Variants in MKLN1 observed in about 807,000 individuals in gnomAD.
MKLN1 encodes the protein muskelin.
MKLN1 carries 18 observed loss-of-function variants against 99.0 expected under a neutral mutation model. The observed-to-expected ratio is 0.18, with a 90% CI of 0.13 to 0.27. The LOEUF is 0.27. Among genes scored for constraint, MKLN1 ranks in the 10% least tolerant of loss-of-function variants. The pLI is 1.00. For synonymous variants in MKLN1, 288 were observed against 293.2 expected (o/e 0.98, Z 0.18); for missense variants, 621 against 875.9 (o/e 0.71, Z 3.67).
chr7:131,155,214 G>T (rs562199247), intron 2 of MKLN1, among the ~76,000 whole-genome samples: 89 of 152,202 alleles, frequency 5.8e-4, no homozygotes, highest in African/African-American at 2.1e-3. Flanking sequence ...CCTGCGAAGT[G>T]CTCCTTTACT....
chr7:131,189,695 T>A (rs534608198), intron 2 of MKLN1, among the ~76,000 whole-genome samples: 1 of 152,190 alleles, frequency 6.6e-6, no homozygotes, highest in Non-Finnish European at 1.5e-5. Context: ...ACCATACTTC[T>A]GTAGTAATAG....
At chr7:131,271,213 A>G (rs1797878855) in intron 3 of MKLN1, among the ~76,000 whole-genome samples, 1 of 152,178 alleles carries the variant, frequency 6.6e-6, no homozygotes, top group African/African-American at 2.4e-5. Flanking sequence ...TACCTAGGTC[A>G]GGGAAGGCTT....
chr7:131,151,504 A>G (rs1425157314), intron 2 of MKLN1, among the ~76,000 whole-genome samples: 4 of 152,232 alleles, frequency 2.6e-5, no homozygotes, highest in African/African-American at 4.8e-5. Context: ...CCGAACCTCA[A>G]ACCTTACTTT....
chr7:131,399,961 A>G (rs1401055169), intron 6 of MKLN1, among the ~76,000 whole-genome samples: 1 of 151,868 alleles, frequency 6.6e-6, no homozygotes, highest in Non-Finnish European at 1.5e-5. Context: ...CTCCCAGGGT[A>G]TTGGCTTTGG....
chr7:131,223,780 T>G (rs536201767), intron 3 of MKLN1, among the ~76,000 whole-genome samples: 75 of 152,240 alleles, frequency 4.9e-4, no homozygotes, highest in Middle Eastern at 3.4e-3. Flanking sequence ...GTTTTTGTTT[T>G]TTTTGAGATG....
intron 1 of MKLN1, among the ~76,000 whole-genome samples, chr7:131,121,373 C>G (rs528827061): frequency 1.2e-3 from 179 of 152,174 alleles, no homozygotes; most frequent in Non-Finnish European, 2.0e-3. Flanking sequence ...GATGCAGCAC[C>G]ACGTTTGTAC....
chr7:131,196,079 AT>A (rs769822582), intron 2 of MKLN1, among the ~76,000 whole-genome samples: 16 of 152,210 alleles, frequency 1.1e-4, no homozygotes, highest in Middle Eastern at 6.8e-3. Flanking sequence ...TTTAAATGTA[AT>A]TTTTTTATTA....
chr7:131,177,357 A>G (rs1198457686), intron 2 of MKLN1, among the ~76,000 whole-genome samples: 1 of 139,106 alleles, frequency 7.2e-6, no homozygotes, highest in Non-Finnish European at 1.5e-5. Context: ...AGTCCCAGGT[A>G]CTCAGGAGGC....
At chr7:131,271,162 A>C (rs771958336) in intron 3 of MKLN1, among the ~76,000 whole-genome samples, 2 of 152,178 alleles carry the variant, frequency 1.3e-5, no homozygotes, top group Non-Finnish European at 2.9e-5. Flanking sequence ...AAAAGTGCAA[A>C]GTGCAGTGGG....
intron 3 of MKLN1, among the ~76,000 whole-genome samples, chr7:131,214,293 T>G (rs1041621159): frequency 1.3e-5 from 2 of 152,212 alleles, no homozygotes; most frequent in African/African-American, 4.8e-5. Context: ...GGGATTGGTT[T>G]TGGCACGGGC....
intron 1 of MKLN1, among the ~76,000 whole-genome samples, chr7:131,346,874 A>G (rs998916443): frequency 1.3e-5 from 2 of 152,254 alleles, no homozygotes; most frequent in African/African-American, 2.4e-5. Context: ...AGTTACATGC[A>G]TAGATAGAAA....
chr7:131,376,664 A>G (rs1007475168), intron 2 of MKLN1, among the ~76,000 whole-genome samples: 16 of 150,176 alleles, frequency 1.1e-4, no homozygotes, highest in African/African-American at 3.6e-4. Context: ...AAGAATATAT[A>G]TTTATAATTT....
chr7:131,465,790 C>T (rs1033237049), intron 14 of MKLN1, among the ~76,000 whole-genome samples: 5 of 152,282 alleles, frequency 3.3e-5, no homozygotes, highest in Admixed American at 2.0e-4. Context: ...CCGCCTGCCT[C>T]GGCCTCCCAA....
chr7:131,453,507 G>A (rs1298899519), intron 12 of MKLN1, among the ~76,000 whole-genome samples: 1 of 152,022 alleles, frequency 6.6e-6, no homozygotes, highest in Non-Finnish European at 1.5e-5. Flanking sequence ...CCTGGGCAAC[G>A]GCAAGACTCT....
intron 3 of MKLN1, among the ~76,000 whole-genome samples, chr7:131,317,433 C>T (rs959860910): frequency 2.0e-5 from 3 of 152,270 alleles, no homozygotes; most frequent in African/African-American, 7.2e-5. Flanking sequence ...CCAGGCTGGT[C>T]TTACAAAAGC....
At chr7:131,456,258 A>G (rs924317610) in intron 12 of MKLN1, among the ~76,000 whole-genome samples, 1 of 152,102 alleles carries the variant, frequency 6.6e-6, no homozygotes, top group African/African-American at 2.4e-5. Context: ...TAATTATTAT[A>G]AAAGTAATGC....
Position 131,463,304 on chromosome 7 carries a change from A to C in MKLN1, c.1613A>C (p.Glu538Ala). 1 of 1,612,350 alleles carries C rather than the reference A, an allele frequency of 6.2e-7. No homozygotes were observed. Reference sequence around the variant, plus strand: ...TTATCTGGACTCAGCAAAGATAAGGAAAAGAGGGAAGAAAATGTTAGAAAT... The same window carrying C: ...TTATCTGGACTCAGCAAAGATAAGGCAAAGAGGGAAGAAAATGTTAGAAAT... ...HVLSGLSKDK[E>A]KREENVRNSF... Residue 538 changes from glutamate to alanine, a missense_variant, in exon 13 of 18, where the codon GAA (glutamate) becomes GCA (alanine). Around this residue, in one of 8 missense-constraint regions of MKLN1, gnomAD observed 10 missense variants for 45.5 expected, o/e 0.22. Transcript: ENST00000352689.
At chr7:131,297,163 C>T (rs549562999) in intron 3 of MKLN1, among the ~76,000 whole-genome samples, 122 of 152,212 alleles carry the variant, frequency 8.0e-4, no homozygotes, top group Admixed American at 1.7e-3. Flanking sequence ...AGATTGAGAA[C>T]AGCCTAGCTA....
At chr7:131,467,819 C>T (rs982180147) in intron 15 of MKLN1, among the ~76,000 whole-genome samples, 4 of 152,142 alleles carry the variant, frequency 2.6e-5, no homozygotes, top group Admixed American at 6.5e-5. Flanking sequence ...GGGTAAAACT[C>T]GTGGCTGCTT....
Sources: gnomAD v4.1 joint callset for allele counts (sites outside exome capture counted in the v4.1 genomes callset) on GRCh38, gnomAD v4.1.1 for gene constraint, gnomAD v4.1.1 regional missense constraint, MANE v1.5 for transcripts, NCBI Gene and HGNC (gene_info 2026-07-23, HGNC 2026-07-21) for gene names.